Variants in DNAH5 observed in about 807,000 individuals in gnomAD.
The protein encoded by DNAH5 is dynein axonemal heavy chain 5, also known as axonemal beta dynein heavy chain 5.
In DNAH5, 372 loss-of-function variants were observed where a neutral mutation model predicts 518.2. That is an observed-to-expected ratio of 0.72 (90% CI 0.66 to 0.78). The LOEUF (loss-of-function observed/expected upper bound fraction) is 0.78. Ranked by LOEUF, DNAH5 falls within the 30% of genes least tolerant of loss-of-function variation. The pLI is 0.00. For missense variants in DNAH5, 5,523 were observed against 5,687.0 expected, an observed-to-expected ratio of 0.97 and a Z score of 0.93; for synonymous variants, 2,039 against 2,025.9, an observed-to-expected ratio of 1.01 and a Z score of -0.17.
chr5:13,733,612 G>C (rs1746920850), intron 68 of DNAH5, among the ~76,000 whole-genome samples: 1 of 152,138 alleles, frequency 6.6e-6, no homozygotes, highest in African/African-American at 2.4e-5. Flanking sequence ...TTAATGGTTA[G>C]ACACAATTAA....
chr5:13,961,610 C>T (rs1224640449), intron 1 of DNAH5, among the ~76,000 whole-genome samples: 1 of 151,878 alleles, frequency 6.6e-6, no homozygotes, highest in Non-Finnish European at 1.5e-5. Context: ...CATCACTGCG[C>T]TCCAGCCCGG....
rs544947044 is a variant in DNAH5 at position 13,859,752 on chromosome 5, G to A, written c.4797-147C>T. On this transcript the variant is annotated intron_variant, in intron 29 of 78. Transcript: ENST00000265104. ...GGCTTTTAAAGTGATGCAACCAAGT[G>A]ATTAATTCATCCCCACTTACTGTTC... 150 of 743,148 alleles carry A rather than the reference G, an allele frequency of 2.0e-4. 2 individuals carry two copies. In the South Asian group the frequency reaches 2.3e-3, roughly 11 times the overall value. The allele number at this position is 743,148 out of a possible 1,614,324, so 46.0% of individuals were successfully genotyped here.
intron 61 of DNAH5, among the ~76,000 whole-genome samples, chr5:13,754,800 A>G (rs1750753996): frequency 6.6e-6 from 1 of 152,040 alleles, no homozygotes; most frequent in African/African-American, 2.4e-5. Context: ...AGCCTCCCAA[A>G]GTGCTGGGAT....
rs756069405 is a variant in DNAH5, at chr5:13,786,273, C to T, written c.8726G>A (p.Arg2909His). The change falls in exon 52 of 79, where the codon CGT (arginine) becomes CAT (histidine). Residue 2909 changes from arginine to histidine, a missense_variant. Coordinates refer to ENST00000265104, the MANE Select transcript of DNAH5 (RefSeq NM_001369.3). ...ATAGAGCTGCAGGAACATATTCAGA[C>T]GCTCTTTTAGGTGACTAAAAGATTC... is the stretch of plus-strand genomic sequence containing the variant. ...PIESFSHLKE[R>H]LNMFLQLYNE... 7.9e-5 allele frequency: 127 copies of T among 1,613,958 alleles called. No individual in the cohort carries two copies. The highest frequency in any genetic ancestry group is 9.2e-5 in the Non-Finnish European group (108 of 1,180,012).
At chr5:13,978,133 C>T (rs114608389) in intron 1 of DNAH5, among the ~76,000 whole-genome samples, 1,540 of 152,326 alleles carry the variant, frequency 0.01, 34 homozygotes, top group African/African-American at 0.035. Context: ...TGGCTTCAAG[C>T]TTGTAACAGC....
At position 13,882,913 on chromosome 5, in the gene DNAH5, C is replaced by G; in HGVS notation, c.3165G>C (p.Leu1055=). ...TGCACCCCATACCCACCTTGGACAA[C>G]AGTTCACTGCTCCACTGTCTGACCC... ...PKGVRQWSSE[L]LSKKKIQERK... Residue 1055 remains leucine (L), a synonymous_variant, in exon 20 of 79, where the codon CTG becomes CTC. Coordinates refer to ENST00000265104, the MANE Select transcript of DNAH5 (RefSeq NM_001369.3). 6.2e-7 allele frequency: 1 copy of G among 1,614,196 alleles called. No homozygotes were observed.
At chr5:13,894,612 T>C in intron 16 of DNAH5, 38 bp downstream of exon 16, 1 of 1,605,372 alleles carries the variant, frequency 6.2e-7, no homozygotes, top group Non-Finnish European at 8.5e-7. Context: ...AACTCAGCCT[T>C]TAGAATTCAG....
At chr5:13,902,014 C>A in intron 13 of DNAH5, 39 bp downstream of exon 13, 1 of 1,359,724 alleles carries the variant, frequency 7.4e-7, no homozygotes, top group East Asian at 2.4e-5. Flanking sequence ...GCTAAACTAT[C>A]CCAATTTTAG....
intron 16 of DNAH5, among the ~76,000 whole-genome samples, chr5:13,891,574 G>A (rs941547513): frequency 6.6e-6 from 1 of 152,122 alleles, no homozygotes; most frequent in African/African-American, 2.4e-5. Context: ...GAATCCATGT[G>A]CATTGGAGTG....
rs1479711072 is a variant in DNAH5, at chr5:13,786,334, C to A, written c.8665G>T (p.Ala2889Ser). The A allele has an allele frequency of 6.2e-7, 1 of 1,614,046 alleles. No homozygotes were observed. The highest frequency in any genetic ancestry group is 1.7e-5 in the Admixed American group (1 of 60,002). Reference sequence around the variant, plus strand: ...TAAATTTTAGGTGTTTCAGCATCAGCCTCTTCAGATGTTTCACCTTTGGTG... The same window carrying A: ...TAAATTTTAGGTGTTTCAGCATCAGACTCTTCAGATGTTTCACCTTTGGTG... The part of the protein sequence containing the change: ...PEAAGETSEE[A>S]DAETPKIYEP... Residue 2889 changes from alanine (A) to serine (S), a missense_variant, in exon 52 of 79, where the codon GCT (alanine) becomes TCT (serine). By Grantham distance (99) the Ala-to-Ser change is moderately conservative. Around this residue, in one of 3 missense-constraint regions of DNAH5, gnomAD observed 5,121 missense variants for 5,223.3 expected, o/e 0.98. Transcript: ENST00000265104.
At chr5:13,956,255 G>A (rs1447596218) in intron 1 of DNAH5, among the ~76,000 whole-genome samples, 1 of 151,970 alleles carries the variant, frequency 6.6e-6, no homozygotes, top group African/African-American at 2.4e-5. Flanking sequence ...TTACATTTTA[G>A]AAATAAACTT....
intron 65 of DNAH5, among the ~76,000 whole-genome samples, chr5:13,746,840 G>T (rs1306187228): frequency 6.6e-6 from 1 of 151,654 alleles, no homozygotes; most frequent in Non-Finnish European, 1.5e-5. Flanking sequence ...ATTTCTAGCA[G>T]AAACAACTTG....
chr5:13,853,564 C>G (rs1043023640), intron 30 of DNAH5, among the ~76,000 whole-genome samples: 7 of 151,876 alleles, frequency 4.6e-5, no homozygotes, highest in African/African-American at 1.7e-4. Flanking sequence ...TGGGTAATAA[C>G]AAACTCCTCC....
At chr5:13,973,575 G>A (rs1782022657) in intron 1 of DNAH5, among the ~76,000 whole-genome samples, 1 of 152,158 alleles carries the variant, frequency 6.6e-6, no homozygotes. Flanking sequence ...AAATGGAGAG[G>A]AGGAGGATGT....
At chr5:13,858,717 A>T (rs1580619970) in intron 30 of DNAH5, among the ~76,000 whole-genome samples, 1 of 152,334 alleles carries the variant, frequency 6.6e-6, no homozygotes, top group South Asian at 2.1e-4. Context: ...GTCTGATTTT[A>T]TCTGTCATCT....
intron 40 of DNAH5, among the ~76,000 whole-genome samples, chr5:13,820,841 A>AAAAAAAAG (rs1198738015): frequency 2.2e-5 from 3 of 137,560 alleles, no homozygotes; most frequent in East Asian, 2.2e-4. Context: ...AAAAAAAAAA[A>AAAAAAAAG]AAACACATCA....
At chr5:13,696,983 T>C (rs1265908916) in intron 78 of DNAH5, among the ~76,000 whole-genome samples, 4 of 152,184 alleles carry the variant, frequency 2.6e-5, no homozygotes, top group African/African-American at 9.7e-5. Context: ...TCATAAAGAA[T>C]TGCCAGTATT....
intron 3 of DNAH5, among the ~76,000 whole-genome samples, chr5:13,923,698 G>A (rs1401454263): frequency 1.3e-5 from 2 of 152,172 alleles, no homozygotes; most frequent in Non-Finnish European, 2.9e-5. Context: ...TGTATCTACT[G>A]GCATGTACTG....
At chr5:13,938,549 A>AT (rs1447209199) in intron 1 of DNAH5, among the ~76,000 whole-genome samples, 6,767 of 150,298 alleles carry the variant, frequency 0.045, 208 homozygotes, top group African/African-American at 0.076. Context: ...TGTATATATA[A>AT]AAAATGTAAA....
Sources: allele counts gnomAD v4.1 joint callset (sites outside exome capture counted in the v4.1 genomes callset), GRCh38; gene constraint gnomAD v4.1.1; regional missense constraint gnomAD v4.1.1; transcripts MANE v1.5; gene names NCBI Gene and HGNC (gene_info 2026-07-23, HGNC 2026-07-21).